COL25A1: variants seen among roughly 807,000 people sequenced by gnomAD.
The protein encoded by COL25A1 is collagen alpha-1(XXV) chain.
Under a neutral mutation model 128.4 loss-of-function variants are expected in COL25A1, and 103 were observed. The observed-to-expected ratio is 0.80, with a 90% confidence interval of 0.68 to 0.94. The LOEUF is 0.94. Among genes scored for constraint, COL25A1 ranks in the 40% least tolerant of loss-of-function variants. COL25A1 has a pLI of 0.00. For missense variants in COL25A1, 745 were observed against 840.0 expected, an observed-to-expected ratio of 0.89 and a Z score of 1.40; for synonymous variants, 279 against 277.2, an observed-to-expected ratio of 1.01 and a Z score of -0.06.
At chr4:108,918,859 G>A (rs1183066701) in intron 12 of COL25A1, among the ~76,000 whole-genome samples, 1 of 152,202 alleles carries the variant, frequency 6.6e-6, no homozygotes, top group Non-Finnish European at 1.5e-5. Context: ...GCGTGTGTGT[G>A]CACATGCATA....
At chr4:108,878,277 G>A (rs1278214451) in intron 19 of COL25A1, among the ~76,000 whole-genome samples, 2 of 151,748 alleles carry the variant, frequency 1.3e-5, no homozygotes, top group African/African-American at 4.8e-5. Flanking sequence ...GGTTAAAGCA[G>A]GTAATATTTT....
chr4:108,949,391 C>T (rs1749135840), intron 8 of COL25A1, among the ~76,000 whole-genome samples: 1 of 152,144 alleles, frequency 6.6e-6, no homozygotes, highest in South Asian at 2.1e-4. Context: ...AATCCTCACA[C>T]CAACTACTTG....
At chr4:108,863,548 T>G (rs950354460) in intron 20 of COL25A1, among the ~76,000 whole-genome samples, 161 bp from the exon 21 acceptor site, 5 of 152,150 alleles carry the variant, frequency 3.3e-5, no homozygotes, top group Non-Finnish European at 5.9e-5. Context: ...ATTATCTCAT[T>G]TTATAATCAA....
At chr4:108,841,612 A>G in intron 31 of COL25A1, 83 bp downstream of exon 31, 9 of 1,117,582 alleles carry the variant, frequency 8.1e-6, no homozygotes, top group African/African-American at 1.5e-5. Flanking sequence ...AATAAATAAG[A>G]TAGGACAGAC....
intron 8 of COL25A1, among the ~76,000 whole-genome samples, chr4:108,947,384 G>A (rs867646282): frequency 6.6e-6 from 1 of 151,798 alleles, no homozygotes; most frequent in Non-Finnish European, 1.5e-5. Context: ...GGAGGTTGCA[G>A]TGAGCCGAAA....
chr4:108,949,248 A>G (rs1749120508), intron 8 of COL25A1, among the ~76,000 whole-genome samples: 2 of 152,216 alleles, frequency 1.3e-5, no homozygotes. Flanking sequence ...GTACTGTCTT[A>G]GGGTTTCTTA....
At chr4:109,067,211 T>C (rs2125976784) in intron 3 of COL25A1, among the ~76,000 whole-genome samples, 1 of 152,266 alleles carries the variant, frequency 6.6e-6, no homozygotes, top group African/African-American at 2.4e-5. Context: ...TCTGGAAGCA[T>C]AATAAGCTTT....
At chr4:109,194,234 G>A (rs920245578) in intron 3 of COL25A1, among the ~76,000 whole-genome samples, 3 of 152,100 alleles carry the variant, frequency 2.0e-5, no homozygotes, top group African/African-American at 7.2e-5. Context: ...GGTGGCAAAG[G>A]CTAATGTAAA....
intron 19 of COL25A1, among the ~76,000 whole-genome samples, chr4:108,880,818 A>T (rs181179442): frequency 6.6e-6 from 1 of 152,368 alleles, no homozygotes; most frequent in African/African-American, 2.4e-5. Flanking sequence ...GGGGGTAAGT[A>T]ATGTATTTAC....
At position 109,263,130 on chromosome 4, in the gene COL25A1, A is replaced by AAAC. The variant is rs5860976; in HGVS notation, c.367+37450_367+37452dup. 4.3e-4 allele frequency among the ~76,000 whole-genome samples: 65 copies of AAAC among 151,190 alleles called. 1 individual carries two copies. The South Asian group carries it at 5.7e-3, about 13-fold the overall frequency. ...GGCGACAGAGCAAGACTCTGTCTCA[A>AAAC]AACAACAACAACAACAACAACAACA... is the stretch of plus-strand genomic sequence containing the variant. On this transcript the variant is annotated intron_variant, in intron 3 of 37. Coordinates refer to ENST00000399132, the MANE Select transcript of COL25A1 (RefSeq NM_198721.4).
At chr4:109,073,227 G>C (rs986404497) in intron 3 of COL25A1, among the ~76,000 whole-genome samples, 2 of 152,084 alleles carry the variant, frequency 1.3e-5, no homozygotes, top group Non-Finnish European at 2.9e-5. Flanking sequence ...CAAGACCTTG[G>C]CCTCTTACCT....
At chr4:109,020,506 TGG>T (rs70949064) in intron 5 of COL25A1, among the ~76,000 whole-genome samples, 65,679 of 123,440 alleles carry the variant, frequency 0.53, 17,780 homozygotes, top group Non-Finnish European at 0.61. Flanking sequence ...GAGATTATTA[TGG>T]GGGGGGGGGG....
chr4:109,052,547 G>T (rs1256654293), intron 3 of COL25A1, among the ~76,000 whole-genome samples: 1 of 152,142 alleles, frequency 6.6e-6, no homozygotes, highest in Non-Finnish European at 1.5e-5. Context: ...AGAAAAGCAG[G>T]TTATAATTAT....
chr4:108,944,510 C>T (rs970027842), intron 8 of COL25A1, among the ~76,000 whole-genome samples: 5 of 151,916 alleles, frequency 3.3e-5, no homozygotes, highest in East Asian at 1.9e-4. Flanking sequence ...TGATTAGTGG[C>T]GATAAATCAT....
At chr4:108,863,481 C>G in intron 20 of COL25A1, 94 bp from the exon 21 acceptor site, 2 of 997,824 alleles carry the variant, frequency 2.0e-6, no homozygotes, top group Non-Finnish European at 2.9e-6. Context: ...CCAAAGAAAG[C>G]AGAGAGTTTT....
intron 25 of COL25A1, 23 bp downstream of exon 25, chr4:108,852,879 A>G: frequency 3.7e-6 from 6 of 1,604,476 alleles, no homozygotes; most frequent in Non-Finnish European, 5.1e-6. Context: ...CACAAACCAC[A>G]GAAAGCATGC....
intron 3 of COL25A1, among the ~76,000 whole-genome samples, chr4:109,178,463 A>G (rs1385970084): frequency 6.6e-6 from 1 of 152,160 alleles, no homozygotes. Context: ...TTGACCTTGA[A>G]TTTGTTAGCT....
chr4:108,884,344 A>G, intron 18 of COL25A1, 122 bp from the exon 19 acceptor site: 1 of 825,630 alleles, frequency 1.2e-6, no homozygotes, highest in East Asian at 2.7e-5. Context: ...AAAACCGTCT[A>G]CTTTCAAAAA....
chr4:108,860,296 T>C (rs1371962264), intron 23 of COL25A1, among the ~76,000 whole-genome samples: 1 of 152,154 alleles, frequency 6.6e-6, no homozygotes, highest in Admixed American at 6.5e-5. Context: ...TTCACCATGT[T>C]GGGCAGGCTG....
Sources: gnomAD v4.1 joint callset for allele counts (sites outside exome capture counted in the v4.1 genomes callset) on GRCh38, gnomAD v4.1.1 for gene constraint, MANE v1.5 for transcripts, NCBI Gene and HGNC (gene_info 2026-07-23, HGNC 2026-07-21) for gene names.